The following SNAP47 variants were observed in gnomAD, a reference collection of about 807,000 sequenced individuals.
SNAP47 encodes synaptosomal-associated protein 47.
Under a neutral mutation model 31.4 loss-of-function variants are expected in SNAP47, and 20 were observed. The observed-to-expected ratio is 0.64, with a 90% CI of 0.45 to 0.93. SNAP47 has a LOEUF of 0.93. SNAP47 is among the 40% of genes least tolerant of loss of function. SNAP47 has a pLI of 0.00. For missense variants in SNAP47, 492 were observed against 528.5 expected, an observed-to-expected ratio of 0.93 and a Z score of 0.68; for synonymous variants, 194 against 213.4, an observed-to-expected ratio of 0.91 and a Z score of 0.79.
Position 227,748,175 on chromosome 1 carries a change from C to T in SNAP47, c.439C>T (p.Leu147=). 1.9e-6 allele frequency: 3 copies of T among 1,611,802 alleles called. No individual in the cohort carries two copies. The highest frequency in any genetic ancestry group is 2.5e-6 in the Non-Finnish European group (3 of 1,179,072). Residue 147 remains leucine (L), a synonymous_variant, in exon 2 of 5, where the codon CTG becomes TTG. Transcript: ENST00000617596. ...ARVLHHQGQQ[L]DSVMRGLDKM... is the part of the protein sequence containing the mutation. ...GGTCCTGCACCACCAGGGCCAGCAG[C>T]TGGACAGCGTCATGAGAGGCCTGGA...
chr1:227,773,717 A>G (rs1427702570), intron 4 of SNAP47, among the ~76,000 whole-genome samples: 3 of 152,196 alleles, frequency 2.0e-5, no homozygotes, highest in Admixed American at 1.3e-4. Flanking sequence ...TGCTCCAGCT[A>G]CTTGTGCTGC....
chr1:227,749,431 G>T (rs1007255419), intron 2 of SNAP47, among the ~76,000 whole-genome samples: 40 of 152,292 alleles, frequency 2.6e-4, no homozygotes, highest in African/African-American at 9.6e-4. Flanking sequence ...GGGAGCCGAG[G>T]ATCTCCCAGT....
intron 4 of SNAP47, among the ~76,000 whole-genome samples, chr1:227,778,765 A>T (rs1664298591): frequency 6.6e-6 from 1 of 152,126 alleles, no homozygotes; most frequent in Non-Finnish European, 1.5e-5. Flanking sequence ...CTCCTGTGTG[A>T]GGTCATCTGC....
intron 3 of SNAP47, among the ~76,000 whole-genome samples, chr1:227,765,189 G>A (rs909592173): frequency 2.0e-5 from 3 of 152,162 alleles, no homozygotes; most frequent in Admixed American, 6.5e-5. Context: ...CCATCACACA[G>A]CACATTGCAG....
intron 1 of SNAP47, among the ~76,000 whole-genome samples, chr1:227,745,451 A>G (rs1306023841): frequency 1.3e-5 from 2 of 152,212 alleles, no homozygotes; most frequent in Non-Finnish European, 2.9e-5. Context: ...GTGAGCTGAG[A>G]GCGGGTGTGT....
At chr1:227,735,640 C>A (rs1661082349) in intron 1 of SNAP47, 141 bp downstream of exon 1, 1 of 1,318,378 alleles carries the variant, frequency 7.6e-7, no homozygotes, top group Non-Finnish European at 9.6e-7. Context: ...ATGCGGGCTG[C>A]GCTGGGAGAG....
chr1:227,729,167 G>A (rs1437667084), intron 1 of SNAP47, among the ~76,000 whole-genome samples: 2 of 152,228 alleles, frequency 1.3e-5, no homozygotes, highest in East Asian at 3.9e-4. Context: ...CTGTTTTCCT[G>A]TAGGTCAGAG....
At chr1:227,729,237 C>G (rs1007171619) in intron 1 of SNAP47, among the ~76,000 whole-genome samples, 3 of 152,128 alleles carry the variant, frequency 2.0e-5, no homozygotes, top group African/African-American at 7.2e-5. Context: ...AGACCCCAGG[C>G]AGGAGTGAGA....
At chr1:227,733,029 TG>T (rs1160003302), upstream of SNAP47, 1 of 1,613,318 alleles carries the variant, frequency 6.2e-7, no homozygotes, top group Non-Finnish European at 8.5e-7. Flanking sequence ...GGTGTCATCC[TG>T]GAAGGGGCAC....
chr1:227,730,101 T>C (rs1660544255), upstream of SNAP47, among the ~76,000 whole-genome samples: 1 of 152,196 alleles, frequency 6.6e-6, no homozygotes, highest in African/African-American at 2.4e-5. Flanking sequence ...GAACACTAGT[T>C]AGCTGCAGCC....
intron 1 of SNAP47, among the ~76,000 whole-genome samples, chr1:227,742,831 G>C (rs1661698428): frequency 6.6e-6 from 1 of 152,210 alleles, no homozygotes; most frequent in African/African-American, 2.4e-5. Flanking sequence ...AGTTGGTGTA[G>C]TTTATCCTCC....
At chr1:227,742,384 A>C (rs999504167) in intron 1 of SNAP47, among the ~76,000 whole-genome samples, 6 of 152,184 alleles carry the variant, frequency 3.9e-5, no homozygotes, top group African/African-American at 1.4e-4. Flanking sequence ...ACAGGTGCAC[A>C]CCAGCATGCC....
chr1:227,756,090 C>G (rs1662677941), intron 2 of SNAP47, among the ~76,000 whole-genome samples: 1 of 152,226 alleles, frequency 6.6e-6, no homozygotes, highest in Non-Finnish European at 1.5e-5. Flanking sequence ...ACCTTGGGCA[C>G]ATGTTCGCAG....
chr1:227,738,386 A>G (rs955254688), intron 1 of SNAP47, among the ~76,000 whole-genome samples: 1 of 149,396 alleles, frequency 6.7e-6, no homozygotes, highest in Non-Finnish European at 1.5e-5. Context: ...GCTTTTCTAC[A>G]TTCCTTCACA....
chr1:227,735,066 G>A, upstream of SNAP47: 1 of 1,557,792 alleles, frequency 6.4e-7, no homozygotes, highest in Non-Finnish European at 8.7e-7. Flanking sequence ...GTCACCCAGC[G>A]CCGCCGGCTG....
chr1:227,752,345 T>G (rs943247906), intron 2 of SNAP47, among the ~76,000 whole-genome samples: 1 of 152,150 alleles, frequency 6.6e-6, no homozygotes, highest in African/African-American at 2.4e-5. Context: ...TACCATGTCA[T>G]TACTGCCCAG....
At chr1:227,736,821 C>T (rs1206782046) in intron 1 of SNAP47, among the ~76,000 whole-genome samples, 3 of 151,556 alleles carry the variant, frequency 2.0e-5, no homozygotes, top group Admixed American at 1.3e-4. Flanking sequence ...TGCGCCAGGC[C>T]CTGCCTAGAG....
At chr1:227,742,243 A>T (rs1014934425) in intron 1 of SNAP47, among the ~76,000 whole-genome samples, 3 of 151,674 alleles carry the variant, frequency 2.0e-5, no homozygotes, top group Non-Finnish European at 2.9e-5. Flanking sequence ...ATGTGTTCTC[A>T]TTGTTCAATT....
chr1:227,760,372 T>C (rs758702573), intron 3 of SNAP47, among the ~76,000 whole-genome samples: 16 of 152,200 alleles, frequency 1.1e-4, no homozygotes, highest in Non-Finnish European at 2.1e-4. Context: ...CCAAACATGC[T>C]ATTAGGGATC....
Sources: allele counts gnomAD v4.1 joint callset (sites outside exome capture counted in the v4.1 genomes callset), GRCh38; gene constraint gnomAD v4.1.1; transcripts MANE v1.5; gene names NCBI Gene and HGNC (gene_info 2026-07-23, HGNC 2026-07-21).